The following GRIK4 variants were observed in gnomAD, a reference collection of about 807,000 sequenced individuals.
GRIK4 encodes glutamate receptor ionotropic, kainate 4.
In GRIK4, 40 loss-of-function variants were observed where a neutral mutation model predicts 104.9. The ratio of observed to expected loss-of-function variants is 0.38; its 90% CI spans 0.30 to 0.50. The LOEUF is 0.50. Ranked by LOEUF, GRIK4 falls within the 20% of genes least tolerant of loss-of-function variation. The pLI, the probability that GRIK4 is intolerant of heterozygous loss-of-function variation, is 0.93. For synonymous variants in GRIK4, 485 were observed against 524.9 expected, an observed-to-expected ratio of 0.92 and a Z score of 1.04; for missense variants, 1,047 against 1,308.1, an observed-to-expected ratio of 0.80 and a Z score of 3.08.
At chr11:120,968,813 C>T (rs1045029842) in intron 19 of GRIK4, among the ~76,000 whole-genome samples, 1 of 152,290 alleles carries the variant, frequency 6.6e-6, no homozygotes, top group South Asian at 2.1e-4. Context: ...CAGCACTGAG[C>T]CCTCATTCCT....
chr11:120,923,113 G>A (rs1052871000), intron 13 of GRIK4, among the ~76,000 whole-genome samples: 1 of 152,222 alleles, frequency 6.6e-6, no homozygotes, highest in African/African-American at 2.4e-5. Context: ...TGGGACACAG[G>A]TGGGAGATCA....
chr11:120,796,871 G>A (rs928270344), intron 3 of GRIK4, among the ~76,000 whole-genome samples: 5 of 152,050 alleles, frequency 3.3e-5, no homozygotes, highest in African/African-American at 9.6e-5. Context: ...TGATTGGGGT[G>A]AGCTGGAAGG....
chr11:120,947,498 T>A (rs1163530772), intron 14 of GRIK4, among the ~76,000 whole-genome samples: 1 of 152,178 alleles, frequency 6.6e-6, no homozygotes, highest in Non-Finnish European at 1.5e-5. Flanking sequence ...AAGGTCTGTT[T>A]CATTTCAGAA....
At chr11:120,843,715 A>G (rs1953780979) in intron 8 of GRIK4, among the ~76,000 whole-genome samples, 1 of 152,056 alleles carries the variant, frequency 6.6e-6, no homozygotes, top group Admixed American at 6.5e-5. Flanking sequence ...TTTTTATCTG[A>G]AAAATTGTGA....
At chr11:120,962,359 G>C (rs1222588546) in intron 17 of GRIK4, 97 bp from the exon 18 acceptor site, 1 of 736,414 alleles carries the variant, frequency 1.4e-6, no homozygotes, top group Non-Finnish European at 2.3e-6. Context: ...AGAAGCAGAA[G>C]GGCCGGCATC....
At chr11:120,550,370 T>TGAGTTGGGGGGTGGGGA (rs1565546395) in intron 1 of GRIK4, among the ~76,000 whole-genome samples, 1 of 38,094 alleles carries the variant, frequency 2.6e-5, no homozygotes, top group African/African-American at 9.8e-5. Flanking sequence ...GGGGGTGGGG[T>TGAGTTGGGGGGTGGGGA]GGGGTTCTCC....
intron 3 of GRIK4, among the ~76,000 whole-genome samples, chr11:120,723,904 C>T (rs543887766): frequency 6.6e-6 from 1 of 152,158 alleles, no homozygotes; most frequent in South Asian, 2.1e-4. Context: ...ATGTAACCAT[C>T]ACCATAATCA....
chr11:120,935,934 C>A (rs747558788), intron 13 of GRIK4, among the ~76,000 whole-genome samples: 65 of 152,100 alleles, frequency 4.3e-4, no homozygotes, highest in Non-Finnish European at 7.9e-4. Flanking sequence ...CGTAGCCTTA[C>A]ATTTTACTTA....
intron 3 of GRIK4, among the ~76,000 whole-genome samples, chr11:120,699,220 G>A (rs898955960): frequency 5.3e-5 from 8 of 152,190 alleles, no homozygotes; most frequent in Non-Finnish European, 1.0e-4. Flanking sequence ...CTCTCTTGGT[G>A]GCTCGCGGTC....
At chr11:120,875,488 G>A (rs538334661) in intron 11 of GRIK4, among the ~76,000 whole-genome samples, 1 of 152,278 alleles carries the variant, frequency 6.6e-6, no homozygotes, top group Admixed American at 6.5e-5. Context: ...GGGAGGCAAG[G>A]GTGTGTCATG....
chr11:120,847,538 GA>G (rs1281820445), intron 8 of GRIK4, among the ~76,000 whole-genome samples: 3 of 152,210 alleles, frequency 2.0e-5, no homozygotes, highest in African/African-American at 7.2e-5. Flanking sequence ...GTCAGGTAGA[GA>G]AGGACATTCT....
chr11:120,736,242 G>A (rs951777134), intron 3 of GRIK4, among the ~76,000 whole-genome samples: 6 of 152,090 alleles, frequency 3.9e-5, no homozygotes, highest in African/African-American at 1.4e-4. Flanking sequence ...AGCCAGGGCC[G>A]GGAATGGGGA....
intron 3 of GRIK4, among the ~76,000 whole-genome samples, chr11:120,724,561 C>T (rs746637213): frequency 4.6e-5 from 7 of 152,210 alleles, no homozygotes; most frequent in Non-Finnish European, 1.0e-4. Context: ...TGGGTACCCT[C>T]AAGATTCAGG....
chr11:120,537,146 C>G (rs1947986054), intron 1 of GRIK4, among the ~76,000 whole-genome samples: 1 of 152,212 alleles, frequency 6.6e-6, no homozygotes, highest in Non-Finnish European at 1.5e-5. Context: ...GTAACTGATT[C>G]AAAGACTCCG....
At chr11:120,757,138 C>T (rs1951667555) in intron 3 of GRIK4, among the ~76,000 whole-genome samples, 3 of 152,210 alleles carry the variant, frequency 2.0e-5, no homozygotes, top group South Asian at 4.1e-4. Context: ...GTTTTGGAGG[C>T]ACACACTTGG....
At chr11:120,915,562 C>T (rs911852195) in intron 13 of GRIK4, among the ~76,000 whole-genome samples, 2 of 152,016 alleles carry the variant, frequency 1.3e-5, no homozygotes, top group Non-Finnish European at 2.9e-5. Flanking sequence ...GCCAACCGTG[C>T]GAGCCCAGCC....
intron 3 of GRIK4, among the ~76,000 whole-genome samples, chr11:120,767,710 G>A (rs959102883): frequency 2.0e-5 from 3 of 152,064 alleles, no homozygotes; most frequent in Admixed American, 6.5e-5. Flanking sequence ...TATGCATTTC[G>A]AGTTTATTTT....
intron 1 of GRIK4, among the ~76,000 whole-genome samples, chr11:120,644,962 C>T (rs11605012): frequency 0.043 from 6,540 of 152,156 alleles, 454 homozygotes; most frequent in African/African-American, 0.14. Context: ...TTGGGCCTTA[C>T]GCTTCCTTCT....
At chr11:120,534,769 G>A (rs777324598) in intron 1 of GRIK4, among the ~76,000 whole-genome samples, 30 of 152,308 alleles carry the variant, frequency 2.0e-4, no homozygotes, top group Non-Finnish European at 2.1e-4. Context: ...ATGGGGACAG[G>A]CAGATGGCCT....
Sources: allele counts gnomAD v4.1 joint callset (sites outside exome capture counted in the v4.1 genomes callset), GRCh38; gene constraint gnomAD v4.1.1; transcripts MANE v1.5; gene names NCBI Gene and HGNC (gene_info 2026-07-23, HGNC 2026-07-21).